The following VCL variants were observed in gnomAD, a reference collection of about 807,000 sequenced individuals.
VCL encodes the protein vinculin.
VCL carries 47 observed loss-of-function variants against 125.7 expected under a neutral mutation model. That is an observed-to-expected ratio of 0.37 (90% CI 0.30 to 0.48). The LOEUF (loss-of-function observed/expected upper bound fraction) is 0.48. Ranked by LOEUF, VCL falls within the 20% of genes least tolerant of loss-of-function variation. The pLI is 0.99. For synonymous variants in VCL, 458 were observed against 514.6 expected (o/e 0.89, Z 1.49); for missense variants, 1,069 against 1,455.5 (o/e 0.73, Z 4.32).
rs1240907682 is a variant in VCL at position 74,114,913 on chromosome 10, G to A, written c.3258+14G>A. The A allele has an allele frequency of 3.2e-6, 5 of 1,574,226 alleles. No homozygotes were observed. Among genetic ancestry groups the A allele is most frequent in the East Asian group, 2.3e-5 (1 of 43,422 alleles). On this transcript the variant is annotated intron_variant, in intron 21 of 21. Coordinates refer to ENST00000211998, the MANE Select transcript of VCL (RefSeq NM_014000.3). ...GAGTCTGAGCAGGTATGTGGCAGCTGTTTTTGGTTTCTGGCTGGCAGCTTC... is the reference window on the plus strand; with the variant it reads ...GAGTCTGAGCAGGTATGTGGCAGCTATTTTTGGTTTCTGGCTGGCAGCTTC...
At chr10:74,035,129 C>T (rs1038465689) in intron 1 of VCL, among the ~76,000 whole-genome samples, 1 of 152,160 alleles carries the variant, frequency 6.6e-6, no homozygotes, top group Non-Finnish European at 1.5e-5. Flanking sequence ...AAATAAGTAA[C>T]ACAAGTCTTC....
chr10:74,084,831 C>T (rs1452921486), intron 8 of VCL, among the ~76,000 whole-genome samples: 1 of 150,714 alleles, frequency 6.6e-6, no homozygotes, highest in Non-Finnish European at 1.5e-5. Flanking sequence ...AGGCTGGTCT[C>T]AAACTTCCGG....
chr10:74,073,452 G>A (rs1839523923), intron 5 of VCL, among the ~76,000 whole-genome samples: 1 of 152,170 alleles, frequency 6.6e-6, no homozygotes, highest in East Asian at 1.9e-4. Context: ...TTTGCTGGGA[G>A]GTGGACTCTC....
intron 1 of VCL, among the ~76,000 whole-genome samples, chr10:74,017,924 T>C (rs1158508891): frequency 6.6e-6 from 1 of 151,566 alleles, no homozygotes; most frequent in African/African-American, 2.4e-5. Context: ...TTTGGGAGGC[T>C]GAGGCAGGCA....
intron 9 of VCL, among the ~76,000 whole-genome samples, chr10:74,089,720 T>C (rs935876513): frequency 2.0e-5 from 3 of 152,192 alleles, no homozygotes; most frequent in Admixed American, 6.5e-5. Flanking sequence ...TGTAAAATGA[T>C]TTTCAAGCAT....
At chr10:74,066,019 C>G (rs1295008190) in intron 2 of VCL, among the ~76,000 whole-genome samples, 1 of 148,910 alleles carries the variant, frequency 6.7e-6, no homozygotes. Context: ...TAACATCCAG[C>G]AGAGGTAGAA....
At chr10:74,075,071 C>G (rs530874040) in intron 6 of VCL, 168 bp downstream of exon 6, 1,405 of 880,898 alleles carry the variant, frequency 1.6e-3, no homozygotes, top group Non-Finnish European at 2.2e-3. Flanking sequence ...TACTTGCTAT[C>G]TTTGCTAATT....
intron 1 of VCL, among the ~76,000 whole-genome samples, chr10:74,003,219 T>G (rs1840263175): frequency 6.6e-6 from 1 of 151,960 alleles, no homozygotes; most frequent in Non-Finnish European, 1.5e-5. Context: ...ATTACAGGCA[T>G]GTACCACTTA....
chr10:74,021,831 C>T (rs527925653), intron 1 of VCL, among the ~76,000 whole-genome samples: 1 of 152,160 alleles, frequency 6.6e-6, no homozygotes, highest in Non-Finnish European at 1.5e-5. Flanking sequence ...AACCATTCCT[C>T]TTCTTTTTTT....
chr10:74,049,072 A>C (rs1231037797), intron 2 of VCL, among the ~76,000 whole-genome samples: 1 of 152,214 alleles, frequency 6.6e-6, no homozygotes, highest in Non-Finnish European at 1.5e-5. Context: ...GCGCCACTGC[A>C]CTCCAGCCTG....
chr10:74,104,954 G>A lies in VCL; in HGVS notation c.2132-97G>A, dbSNP rs1840109017. 6 of 1,351,334 alleles carry A rather than the reference G, an allele frequency of 4.4e-6. No homozygotes were observed. In the South Asian group the frequency reaches 6.3e-5, roughly 14 times the overall value. The allele number at this position is 1,351,334 out of a possible 1,614,324, so 83.7% of individuals were successfully genotyped here. The stretch of plus-strand genomic sequence containing the variant: ...TGAGCTGAAGAAGAGAATTCTGGAT[G>A]TTATACTTTCTCATGAGAAGTTTGA... On this transcript the variant is annotated intron_variant, in intron 15 of 21. Transcript: ENST00000211998.
intron 2 of VCL, among the ~76,000 whole-genome samples, chr10:74,048,116 A>G (rs1296882556): frequency 6.6e-6 from 1 of 152,220 alleles, no homozygotes; most frequent in Non-Finnish European, 1.5e-5. Context: ...TCAGGAGTGC[A>G]GCAGCTATGC....
chr10:74,088,738 A>G (rs978141906), intron 8 of VCL, among the ~76,000 whole-genome samples: 1 of 152,194 alleles, frequency 6.6e-6, no homozygotes, highest in South Asian at 2.1e-4. Context: ...CCAGTCTGGT[A>G]CACTTTCATT....
chr10:74,066,279 G>T (rs1324099398), intron 2 of VCL, among the ~76,000 whole-genome samples: 1 of 151,902 alleles, frequency 6.6e-6, no homozygotes, highest in African/African-American at 2.4e-5. Flanking sequence ...GGCAGGTCTT[G>T]AACTCCCGAC....
chr10:74,023,212 TA>T (rs1259902088), intron 1 of VCL, among the ~76,000 whole-genome samples: 1 of 152,170 alleles, frequency 6.6e-6, no homozygotes, highest in Non-Finnish European at 1.5e-5. Context: ...CATAAGATAA[TA>T]ATATATTTTC....
At chr10:74,082,062 G>C (rs1450531239) in intron 6 of VCL, among the ~76,000 whole-genome samples, 2 of 152,202 alleles carry the variant, frequency 1.3e-5, no homozygotes, top group African/African-American at 4.8e-5. Flanking sequence ...AGGCTTCCCT[G>C]AGGTGGGAAG....
At chr10:74,114,438 CGT>C (rs770246060) in intron 20 of VCL, 51 bp downstream of exon 20, 2,662 of 1,020,686 alleles carry the variant, frequency 2.6e-3, no homozygotes, top group East Asian at 3.0e-3. Flanking sequence ...TGTGTGTGTG[CGT>C]GTGTGTGTGT....
At chr10:74,053,650 A>G (rs1032024451) in intron 2 of VCL, among the ~76,000 whole-genome samples, 24 of 151,502 alleles carry the variant, frequency 1.6e-4, no homozygotes, top group Admixed American at 3.3e-4. Context: ...TTGCTTTGTC[A>G]CCTGGGCTGT....
In VCL at chr10:74,109,139, C is replaced by T. The variant is rs375595550; in HGVS notation, c.2728C>T (p.Arg910Cys). Reference sequence around the variant, plus strand: ...TGCCAGACAGCTCCATGATGAAGCTCGCAAATGGTCCAGCAAGGTAAGTAG... The same window carrying T: ...TGCCAGACAGCTCCATGATGAAGCTTGCAAATGGTCCAGCAAGGTAAGTAG... The part of the protein sequence containing the change: ...MAARQLHDEA[R>C]KWSSKPGIPA... Residue 910 changes from arginine (R) to cysteine (C), a missense_variant, in exon 18 of 22, where the codon CGC becomes TGC. Physicochemically the swap from Arg to Cys is radical, Grantham distance 180. Transcript: ENST00000211998. The T allele has an allele frequency of 3.7e-6, 6 of 1,613,876 alleles. No homozygotes were observed. The highest frequency in any genetic ancestry group is 1.6e-4 in the Middle Eastern group (1 of 6,084).
Sources: allele counts gnomAD v4.1 joint callset (sites outside exome capture counted in the v4.1 genomes callset), GRCh38; gene constraint gnomAD v4.1.1; transcripts MANE v1.5; gene names NCBI Gene and HGNC (gene_info 2026-07-23, HGNC 2026-07-21).